Variants in CDC42SE2 observed in about 807,000 individuals in gnomAD.
The protein encoded by CDC42SE2 is CDC42 small effector protein 2.
CDC42SE2 carries 3 observed loss-of-function variants against 11.5 expected under a neutral mutation model. That is an observed-to-expected ratio of 0.26 (90% CI 0.12 to 0.67). CDC42SE2 has a LOEUF of 0.67. CDC42SE2 is among the 30% of genes least tolerant of loss of function. The pLI is 0.80. For missense variants in CDC42SE2, 82 were observed against 106.8 expected (o/e 0.77, Z 1.02); for synonymous variants, 33 against 34.8 (o/e 0.95, Z 0.18).
chr5:131,228,587 T>A, the CDC42SE2 span, among the ~76,000 whole-genome samples: 1 of 152,244 alleles, frequency 6.6e-6, no homozygotes, highest in Non-Finnish European at 1.5e-5. Context: ...TATTTTTTCC[T>A]ATAGTGCAAA....
At chr5:131,299,028 A>C (rs1757629392) in intron 1 of CDC42SE2, among the ~76,000 whole-genome samples, 1 of 152,186 alleles carries the variant, frequency 6.6e-6, no homozygotes, top group African/African-American at 2.4e-5. Context: ...GACAGAAAGA[A>C]GTGAACAGTA....
chr5:131,328,421 C>T (rs1345243144), intron 2 of CDC42SE2, among the ~76,000 whole-genome samples: 1 of 151,948 alleles, frequency 6.6e-6, no homozygotes, highest in Non-Finnish European at 1.5e-5. Context: ...TTCTTCACTT[C>T]TTTTATCTTT....
the CDC42SE2 span, among the ~76,000 whole-genome samples, chr5:131,236,000 T>G: frequency 6.6e-6 from 1 of 152,256 alleles, no homozygotes; most frequent in Admixed American, 6.5e-5. Context: ...AAACCGTTTT[T>G]TATATGTGTT....
rs1470944411 is a variant in CDC42SE2 at position 131,346,651 on chromosome 5, A to G, written c.-285-12558A>G. The stretch of plus-strand genomic sequence containing the variant: ...TTGAACTCAGCTCTGCACCAAGCCA[A>G]CCTAATAGACATCTACAGAACTCTC... On this transcript the variant is annotated intron_variant, in intron 2 of 4. Coordinates refer to ENST00000505065, the MANE Select transcript of CDC42SE2 (RefSeq NM_001375635.1). 1.1e-4 allele frequency among the ~76,000 whole-genome samples: 16 copies of G among 152,236 alleles called. 1 individual carries two copies. Among genetic ancestry groups the G allele is most frequent in the Admixed American group, 9.8e-4 (15 of 15,292 alleles).
intron 2 of CDC42SE2, among the ~76,000 whole-genome samples, chr5:131,349,020 C>T (rs2149760717): frequency 6.6e-6 from 1 of 152,160 alleles, no homozygotes; most frequent in Middle Eastern, 3.4e-3. Flanking sequence ...AATGTTAGAC[C>T]TAAAACCATA....
At chr5:131,234,240 A>G in the CDC42SE2 span, among the ~76,000 whole-genome samples, 1 of 152,254 alleles carries the variant, frequency 6.6e-6, no homozygotes, top group South Asian at 2.1e-4. Flanking sequence ...TCAGATAGGT[A>G]AAGAATTCAT....
chr5:131,250,943 C>G (rs1756634016), intron 1 of CDC42SE2, among the ~76,000 whole-genome samples: 1 of 151,982 alleles, frequency 6.6e-6, no homozygotes, highest in African/African-American at 2.4e-5. Context: ...TCCAGCATGT[C>G]AACAAAAGGG....
chr5:131,336,161 C>T (rs1361469670), intron 2 of CDC42SE2, among the ~76,000 whole-genome samples: 1 of 152,160 alleles, frequency 6.6e-6, no homozygotes, highest in Admixed American at 6.5e-5. Context: ...TAGGGCAGGC[C>T]TGGTGGTGAC....
chr5:131,321,910 A>G (rs2149734484), intron 2 of CDC42SE2, among the ~76,000 whole-genome samples: 2 of 152,198 alleles, frequency 1.3e-5, no homozygotes, highest in East Asian at 3.9e-4. Flanking sequence ...GAGTGCGGTG[A>G]CGCGATGTCG....
At chr5:131,272,220 G>A (rs1757008643) in intron 1 of CDC42SE2, among the ~76,000 whole-genome samples, 1 of 151,776 alleles carries the variant, frequency 6.6e-6, no homozygotes, top group Non-Finnish European at 1.5e-5. Flanking sequence ...TCACCACGTT[G>A]GACAGGCTGG....
At chr5:131,312,908 G>A (rs1043285800) in intron 1 of CDC42SE2, among the ~76,000 whole-genome samples, 4 of 152,106 alleles carry the variant, frequency 2.6e-5, no homozygotes, top group African/African-American at 9.7e-5. Context: ...CTTCTGTGTC[G>A]CTCACGCTGG....
At chr5:131,304,990 G>A (rs527436473) in intron 1 of CDC42SE2, among the ~76,000 whole-genome samples, 2 of 152,234 alleles carry the variant, frequency 1.3e-5, no homozygotes, top group South Asian at 2.1e-4. Flanking sequence ...TACCCCAAAA[G>A]TTTCTTCTCA....
intron 2 of CDC42SE2, among the ~76,000 whole-genome samples, chr5:131,351,594 A>G (rs191486558): frequency 1.4e-4 from 21 of 152,336 alleles, no homozygotes; most frequent in African/African-American, 3.4e-4. Flanking sequence ...TTAATCTGAT[A>G]AGAAAAGGAT....
intron 2 of CDC42SE2, among the ~76,000 whole-genome samples, chr5:131,317,108 A>AT (rs201522948): frequency 0.01 from 1,513 of 149,310 alleles, 20 homozygotes; most frequent in African/African-American, 0.029. Flanking sequence ...AATTACAGAG[A>AT]TTTTTTTTTT....
the CDC42SE2 span, among the ~76,000 whole-genome samples, chr5:131,232,734 CAAAAAAA>C: frequency 2.4e-5 from 1 of 42,180 alleles, no homozygotes; most frequent in Non-Finnish European, 4.5e-5. Flanking sequence ...GACTCGGTCT[CAAAAAAA>C]AAAAAAAAAA....
chr5:131,315,574 A>T (rs559219658), intron 1 of CDC42SE2, among the ~76,000 whole-genome samples: 1 of 152,158 alleles, frequency 6.6e-6, no homozygotes, highest in African/African-American at 2.4e-5. Context: ...TTGTTTCCAT[A>T]TGGGAATGTG....
chr5:131,302,070 G>A (rs543071058), intron 1 of CDC42SE2, among the ~76,000 whole-genome samples: 3 of 152,204 alleles, frequency 2.0e-5, no homozygotes, highest in African/African-American at 7.2e-5. Flanking sequence ...GCGGTGACGA[G>A]ATCTTGGCTC....
intron 2 of CDC42SE2, among the ~76,000 whole-genome samples, chr5:131,329,692 C>T (rs1465448773): frequency 1.3e-5 from 2 of 151,124 alleles, no homozygotes; most frequent in Non-Finnish European, 3.0e-5. Flanking sequence ...CAACCTGGCC[C>T]ACATGGTGAA....
At chr5:131,379,204 C>CTT (rs1750246986) in intron 3 of CDC42SE2, among the ~76,000 whole-genome samples, 2 of 152,152 alleles carry the variant, frequency 1.3e-5, no homozygotes, top group Non-Finnish European at 2.9e-5. Flanking sequence ...TTTTCACTGT[C>CTT]CCAGATGGCA....
Sources: allele counts gnomAD v4.1 joint callset (sites outside exome capture counted in the v4.1 genomes callset), GRCh38; gene constraint gnomAD v4.1.1; transcripts MANE v1.5; gene names NCBI Gene and HGNC (gene_info 2026-07-23, HGNC 2026-07-21).